CNTNAP2: variants seen among roughly 807,000 people sequenced by gnomAD.
CNTNAP2 encodes contactin associated protein 2, also known as contactin-associated protein-like 2.
CNTNAP2 carries 98 observed loss-of-function variants against 155.2 expected under a neutral mutation model. The observed-to-expected ratio is 0.63, with a 90% CI of 0.54 to 0.75. CNTNAP2 has a LOEUF of 0.75. Ranked by LOEUF, CNTNAP2 falls within the 30% of genes least tolerant of loss-of-function variation. CNTNAP2 has a pLI of 0.00. For synonymous variants in CNTNAP2, 651 were observed against 631.2 expected, an observed-to-expected ratio of 1.03 and a Z score of -0.47; for missense variants, 1,727 against 1,688.1, an observed-to-expected ratio of 1.02 and a Z score of -0.40.
intron 1 of CNTNAP2, among the ~76,000 whole-genome samples, chr7:146,403,871 A>C (rs1795748458): frequency 1.3e-5 from 2 of 152,134 alleles, no homozygotes; most frequent in African/African-American, 4.8e-5. Flanking sequence ...GACTTAAAAA[A>C]CAAAGACACT....
intron 4 of CNTNAP2, among the ~76,000 whole-genome samples, chr7:147,058,877 T>A (rs1300932971): frequency 6.6e-6 from 1 of 152,232 alleles, no homozygotes; most frequent in Non-Finnish European, 1.5e-5. Context: ...AGTGCTGGGA[T>A]TACAGGCATG....
At chr7:147,529,848 T>C (rs1403253009) in intron 11 of CNTNAP2, among the ~76,000 whole-genome samples, 1 of 152,204 alleles carries the variant, frequency 6.6e-6, no homozygotes, top group African/African-American at 2.4e-5. Context: ...CATTATGTTT[T>C]TAAACATGAA....
chr7:148,197,789 A>G (rs1318051959), intron 18 of CNTNAP2, among the ~76,000 whole-genome samples: 1 of 152,212 alleles, frequency 6.6e-6, no homozygotes. Flanking sequence ...TCTTGAAACC[A>G]AATTTAATGG....
chr7:147,881,264 G>A (rs543501779), intron 13 of CNTNAP2, among the ~76,000 whole-genome samples: 3 of 152,304 alleles, frequency 2.0e-5, no homozygotes, highest in African/African-American at 7.2e-5. Flanking sequence ...ACCAAATGCA[G>A]AAATCTATTA....
intron 4 of CNTNAP2, among the ~76,000 whole-genome samples, chr7:147,089,840 A>G (rs1194163291): frequency 6.6e-6 from 1 of 152,192 alleles, no homozygotes; most frequent in Non-Finnish European, 1.5e-5. Flanking sequence ...GAAGGTGTTC[A>G]TATAAGCACC....
intron 1 of CNTNAP2, among the ~76,000 whole-genome samples, chr7:146,706,309 C>T (rs537861597): frequency 1.3e-5 from 2 of 152,194 alleles, no homozygotes; most frequent in South Asian, 4.1e-4. Flanking sequence ...CCCTCAGCAA[C>T]TTTATAGCCC....
chr7:147,648,947 G>A (rs916862337), intron 13 of CNTNAP2, among the ~76,000 whole-genome samples: 10 of 152,234 alleles, frequency 6.6e-5, no homozygotes, highest in South Asian at 6.2e-4. Flanking sequence ...AACTAATCCC[G>A]GCAGGAATTG....
intron 8 of CNTNAP2, among the ~76,000 whole-genome samples, chr7:147,232,037 A>T (rs754111969): frequency 6.6e-6 from 1 of 152,218 alleles, no homozygotes; most frequent in Non-Finnish European, 1.5e-5. Flanking sequence ...AAAACAAACC[A>T]ACTGAAACAG....
At chr7:148,414,897 C>CACATGTTA (rs1457603217) in intron 23 of CNTNAP2, 1 of 196,472 alleles carries the variant, frequency 5.1e-6, no homozygotes, top group East Asian at 1.2e-4. Context: ...TCTGTACATG[C>CACATGTTA]ACATGTTAGT....
At chr7:147,595,202 T>TGGA (rs1800805758) in intron 12 of CNTNAP2, among the ~76,000 whole-genome samples, 1 of 152,214 alleles carries the variant, frequency 6.6e-6, no homozygotes, top group Non-Finnish European at 1.5e-5. Context: ...TTCTCTATTC[T>TGGA]TAATGTGTCA....
intron 13 of CNTNAP2, among the ~76,000 whole-genome samples, chr7:147,699,596 TAATA>T (rs56180062): frequency 2.0e-5 from 3 of 151,264 alleles, no homozygotes; most frequent in Non-Finnish European, 2.9e-5. Flanking sequence ...ACTTAAAATA[TAATA>T]AATAAATAAA....
At chr7:147,356,720 A>G (rs942779606) in intron 9 of CNTNAP2, among the ~76,000 whole-genome samples, 7 of 152,150 alleles carry the variant, frequency 4.6e-5, no homozygotes, top group Admixed American at 3.3e-4. Context: ...AACACTTTGT[A>G]CTGTAAAATT....
chr7:146,806,428 G>A (rs1006169238), intron 2 of CNTNAP2, among the ~76,000 whole-genome samples: 20 of 151,862 alleles, frequency 1.3e-4, no homozygotes, highest in African/African-American at 4.4e-4. Flanking sequence ...CCCAGGAGGC[G>A]GGGGTTGCAG....
chr7:148,274,247 T>TA (rs202019986), intron 21 of CNTNAP2, among the ~76,000 whole-genome samples: 1,749 of 151,916 alleles, frequency 0.012, 64 homozygotes, highest in Admixed American at 0.067. Context: ...TAGCATGAGA[T>TA]AAAAAAAACT....
intron 2 of CNTNAP2, among the ~76,000 whole-genome samples, chr7:146,823,356 T>C (rs1368751197): frequency 5.5e-5 from 8 of 145,304 alleles, no homozygotes; most frequent in African/African-American, 2.0e-4. Context: ...AATATACTCA[T>C]TCTTCAGTAT....
intron 10 of CNTNAP2, among the ~76,000 whole-genome samples, chr7:147,404,241 C>T (rs1796965249): frequency 6.6e-6 from 1 of 152,180 alleles, no homozygotes; most frequent in Non-Finnish European, 1.5e-5. Context: ...TCCCATCAAA[C>T]TACAAATAAT....
At chr7:147,352,655 T>C (rs1383143508) in intron 9 of CNTNAP2, among the ~76,000 whole-genome samples, 1 of 152,006 alleles carries the variant, frequency 6.6e-6, no homozygotes, top group African/African-American at 2.4e-5. Context: ...ACTTTCTCTT[T>C]CTTAAAAACA....
intron 12 of CNTNAP2, among the ~76,000 whole-genome samples, chr7:147,586,161 A>G: frequency 6.6e-6 from 1 of 152,134 alleles, no homozygotes; most frequent in East Asian, 1.9e-4. Flanking sequence ...AATCAAGAGA[A>G]AGCAATGTCT....
chr7:146,212,566 A>G (rs10227888), intron 1 of CNTNAP2, among the ~76,000 whole-genome samples: 2 of 152,122 alleles, frequency 1.3e-5, no homozygotes, highest in Non-Finnish European at 2.9e-5. Flanking sequence ...TTTTGCCATA[A>G]TATTATCAGG....
Sources: gnomAD v4.1 joint callset for allele counts (sites outside exome capture counted in the v4.1 genomes callset) on GRCh38, gnomAD v4.1.1 for gene constraint, MANE v1.5 for transcripts, NCBI Gene and HGNC (gene_info 2026-07-23, HGNC 2026-07-21) for gene names.